ADAMTS18: variants seen among roughly 807,000 people sequenced by gnomAD.
ADAMTS18 encodes the protein A disintegrin and metalloproteinase with thrombospondin motifs 18.
A neutral mutation model predicts 165.9 loss-of-function variants in ADAMTS18; 157 were observed. That is an observed-to-expected ratio of 0.95 (90% confidence interval 0.83 to 1.08). The LOEUF (loss-of-function observed/expected upper bound fraction) is 1.08. Among genes scored for constraint, ADAMTS18 ranks in the 50% least tolerant of loss-of-function variants. The probability of loss-of-function intolerance (pLI) is 0.00; values close to 1 mark genes in which losing one functional copy is unlikely to be tolerated. For missense variants in ADAMTS18, 2,040 were observed against 1,534.0 expected (o/e 1.33, Z -5.51); for synonymous variants, 782 against 578.2 (o/e 1.35, Z -5.06).
chr16:77,373,594 G>A (rs2056908040), intron 3 of ADAMTS18, among the ~76,000 whole-genome samples: 1 of 152,080 alleles, frequency 6.6e-6, no homozygotes, highest in African/African-American at 2.4e-5. Flanking sequence ...GGATAAAAGT[G>A]TACAAATTGG....
intron 4 of ADAMTS18, among the ~76,000 whole-genome samples, chr16:77,365,118 C>G (rs192591367): frequency 1.3e-5 from 2 of 152,226 alleles, no homozygotes; most frequent in African/African-American, 4.8e-5. Context: ...AAACACCCAA[C>G]CACACCTACG....
At chr16:77,290,839 C>A (rs141438978) in intron 21 of ADAMTS18, 543 of 282,250 alleles carry the variant, frequency 1.9e-3, no homozygotes, top group Middle Eastern at 0.01. Context: ...TAGCACCGTG[C>A]ATAGTAATAG....
intron 3 of ADAMTS18, among the ~76,000 whole-genome samples, chr16:77,401,802 ATC>A (rs1246157263): frequency 6.6e-6 from 1 of 152,164 alleles, no homozygotes; most frequent in Non-Finnish European, 1.5e-5. Flanking sequence ...GATGAATTTG[ATC>A]TCTCTCTCGC....
intron 5 of ADAMTS18, 51 bp from the exon 6 acceptor site, chr16:77,363,936 G>C: frequency 6.4e-7 from 1 of 1,552,600 alleles, no homozygotes; most frequent in Non-Finnish European, 8.9e-7. Context: ...CAAAACCTTA[G>C]GGGGAATCAA....
chr16:77,334,774 C>G (rs1181896300), intron 12 of ADAMTS18, among the ~76,000 whole-genome samples: 2 of 101,414 alleles, frequency 2.0e-5, no homozygotes, highest in African/African-American at 3.8e-5. Context: ...AGTATATATA[C>G]TATAGTATAC....
chr16:77,434,529 C>T lies in ADAMTS18; in HGVS notation c.91-24G>A, dbSNP rs369879446. On this transcript the variant is annotated intron_variant, in intron 1 of 22. Transcript: ENST00000282849. ...GCCTGCAAGAGAAAAGGTGACATCG[C>T]GCGTGAGGGGCGCGGCGGGGCTGGC... The T allele has an allele frequency of 1.2e-4, 192 of 1,542,980 alleles. 1 individual carries two copies. The East Asian group carries it at 2.5e-3, about 20-fold the overall frequency.
rs565817172 is a variant in ADAMTS18 at position 77,292,934 on chromosome 16, C to G, written c.3189+142G>C. 1.1e-3 allele frequency: 1,088 copies of G among 954,876 alleles called. 11 individuals are homozygous for G. In the Middle Eastern group the frequency reaches 0.012, roughly 11 times the overall value. 59.2% of individuals were successfully genotyped at this position (954,876 alleles called of 1,614,324 possible). ...TCCTGGGTTCACGCCATGCTCCTGCCTCAGCCTCCCCAGTAGATCAGACTA... is the reference window on the plus strand; with the variant it reads ...TCCTGGGTTCACGCCATGCTCCTGCGTCAGCCTCCCCAGTAGATCAGACTA... On this transcript the variant is annotated intron_variant, in intron 20 of 22. Coordinates refer to ENST00000282849, the MANE Select transcript of ADAMTS18 (RefSeq NM_199355.4).
chr16:77,434,124 C>G (rs2057768524), intron 2 of ADAMTS18, among the ~76,000 whole-genome samples: 1 of 151,108 alleles, frequency 6.6e-6, no homozygotes, highest in Non-Finnish European at 1.5e-5. Flanking sequence ...GTCCACTTCC[C>G]TTCGAATTTC....
intron 10 of ADAMTS18, among the ~76,000 whole-genome samples, chr16:77,346,268 T>A (rs867704506): frequency 6.6e-6 from 1 of 152,200 alleles, no homozygotes; most frequent in Non-Finnish European, 1.5e-5. Flanking sequence ...ATAACGTTTA[T>A]TGTGTTTTGT....
chr16:77,381,216 C>T (rs2057025297), intron 3 of ADAMTS18, among the ~76,000 whole-genome samples: 3 of 146,886 alleles, frequency 2.0e-5, no homozygotes, highest in African/African-American at 7.5e-5. Flanking sequence ...ACTTCTATAT[C>T]AGGGGGCTGT....
intron 9 of ADAMTS18, 83 bp from the exon 10 acceptor site, chr16:77,353,969 A>C: frequency 1.3e-6 from 2 of 1,525,248 alleles, no homozygotes; most frequent in South Asian, 2.2e-5. Flanking sequence ...GAATGCATTC[A>C]TGCAAAGAAA....
At chr16:77,361,532 A>C (rs984711380) in intron 7 of ADAMTS18, among the ~76,000 whole-genome samples, 1 of 152,182 alleles carries the variant, frequency 6.6e-6, no homozygotes, top group African/African-American at 2.4e-5. Context: ...AGAATAACCT[A>C]CAAGTTTCTA....
At chr16:77,371,265 A>AG (rs2056872408) in intron 3 of ADAMTS18, among the ~76,000 whole-genome samples, 2 of 152,056 alleles carry the variant, frequency 1.3e-5, no homozygotes, top group African/African-American at 2.4e-5. Flanking sequence ...GGAGAAAAAG[A>AG]AAAAAGAAAA....
intron 3 of ADAMTS18, among the ~76,000 whole-genome samples, chr16:77,403,924 G>A (rs1308774633): frequency 6.6e-6 from 1 of 152,130 alleles, no homozygotes; most frequent in Non-Finnish European, 1.5e-5. Context: ...GGGAAGGAAG[G>A]CTTTCCTAAG....
At chr16:77,363,994 T>C (rs2056754597) in intron 5 of ADAMTS18, 109 bp from the exon 6 acceptor site, 5 of 1,235,750 alleles carry the variant, frequency 4.0e-6, no homozygotes, top group African/African-American at 1.5e-5. Context: ...ACCAAATATA[T>C]GTACATATAA....
intron 3 of ADAMTS18, among the ~76,000 whole-genome samples, chr16:77,416,861 T>G (rs2057537272): frequency 6.6e-6 from 1 of 152,054 alleles, no homozygotes; most frequent in Non-Finnish European, 1.5e-5. Flanking sequence ...AGGTGAGAGA[T>G]GAGAATGATT....
intron 3 of ADAMTS18, among the ~76,000 whole-genome samples, chr16:77,422,291 C>CACCTATATAAT (rs1251840629): frequency 9.9e-5 from 15 of 152,112 alleles, no homozygotes; most frequent in African/African-American, 3.4e-4. Context: ...ATATAGGGTC[C>CACCTATATAAT]ACCTGTGGAG....
At chr16:77,326,072 A>C (rs776406468) in intron 12 of ADAMTS18, 34 bp from the exon 13 acceptor site, 4 of 1,595,706 alleles carry the variant, frequency 2.5e-6, no homozygotes, top group Non-Finnish European at 3.4e-6. Context: ...TAATGTTAGT[A>C]ATCAAAGGGC....
chr16:77,325,611 G>A (rs184351478), intron 13 of ADAMTS18, among the ~76,000 whole-genome samples: 3 of 150,712 alleles, frequency 2.0e-5, no homozygotes, highest in Admixed American at 2.0e-4. Flanking sequence ...TGAGAAACAT[G>A]AGTTCATTCC....
Sources: allele counts gnomAD v4.1 joint callset (sites outside exome capture counted in the v4.1 genomes callset), GRCh38; gene constraint gnomAD v4.1.1; transcripts MANE v1.5; gene names NCBI Gene and HGNC (gene_info 2026-07-23, HGNC 2026-07-21).